Variants in GDA observed in about 807,000 individuals in gnomAD.
GDA encodes the protein cytoplasmic PSD-95 interactor.
Under a neutral mutation model 59.6 loss-of-function variants are expected in GDA, and 18 were observed. The ratio of observed to expected loss-of-function variants is 0.30; its 90% CI spans 0.21 to 0.45. GDA has a LOEUF of 0.45. Ranked by LOEUF, GDA falls within the 20% of genes least tolerant of loss-of-function variation. The pLI is 1.00. For synonymous variants in GDA, 201 were observed against 201.1 expected (o/e 1.00, Z 0.00); for missense variants, 427 against 552.3 (o/e 0.77, Z 2.27).
At chr9:72,183,629 G>A (rs1831531457) in intron 1 of GDA, among the ~76,000 whole-genome samples, 1 of 152,202 alleles carries the variant, frequency 6.6e-6, no homozygotes, top group African/African-American at 2.4e-5. Flanking sequence ...CCTGCCAGAT[G>A]CGTAATTTTG....
At chr9:72,188,250 C>G (rs573313678) in intron 1 of GDA, among the ~76,000 whole-genome samples, 16 of 152,352 alleles carry the variant, frequency 1.1e-4, no homozygotes, top group Non-Finnish European at 2.2e-4. Flanking sequence ...GAGATAGACC[C>G]TGAAAGCATT....
At chr9:72,228,314 T>A (rs544132618) in intron 9 of GDA, 1 of 365,102 alleles carries the variant, frequency 2.7e-6, no homozygotes, top group Non-Finnish European at 5.1e-6. Flanking sequence ...CATAAAAAAT[T>A]TACAGTGAAA....
chr9:72,197,954 C>T (rs1166843061), intron 2 of GDA, among the ~76,000 whole-genome samples: 2 of 152,044 alleles, frequency 1.3e-5, no homozygotes, highest in African/African-American at 4.8e-5. Flanking sequence ...CAGATGGTGG[C>T]CATGGACCCT....
chr9:72,223,284 C>T (rs1837135997), intron 7 of GDA, 57 bp downstream of exon 7: 2 of 889,314 alleles, frequency 2.2e-6, no homozygotes, highest in Non-Finnish European at 3.7e-6. Context: ...TTCTCAGCAC[C>T]CTTAAATCAT....
intron 1 of GDA, among the ~76,000 whole-genome samples, chr9:72,128,288 A>G (rs1825914864): frequency 6.6e-6 from 1 of 152,158 alleles, no homozygotes; most frequent in South Asian, 2.1e-4. Flanking sequence ...GTTCTCTTCT[A>G]TACTCACCTC....
At chr9:72,238,713 A>G (rs919734352) in intron 10 of GDA, among the ~76,000 whole-genome samples, 1 of 152,214 alleles carries the variant, frequency 6.6e-6, no homozygotes, top group African/African-American at 2.4e-5. Context: ...CGAGCAAGTA[A>G]TGATACCATC....
At position 72,250,331 on chromosome 9, in the gene GDA, A is replaced by T; in HGVS notation, c.*1989A>T. 4 of 1,035,404 alleles carry T rather than the reference A, an allele frequency of 3.9e-6. No individual in the cohort carries two copies. The highest frequency in any genetic ancestry group is 4.6e-6 in the Non-Finnish European group (4 of 862,046). 64.1% of individuals were successfully genotyped at this position (1,035,404 alleles called of 1,614,324 possible). A position where few individuals can be genotyped will look rare whatever the true frequency, so the allele number is the denominator to read the frequency against. On this transcript the variant is annotated 3_prime_UTR_variant, in exon 14 of 14. Transcript: ENST00000358399. ...GGTGTACATTTTGATGTTGAACATC[A>T]GTTTTCATGTAGACTTAGGACTCAT...
In GDA at chr9:72,231,196, A is replaced by G. The variant is rs769439352; in HGVS notation, c.988+15A>G. The G allele has an allele frequency of 7.5e-7, 1 of 1,341,552 alleles. No individual in the cohort carries two copies. Among genetic ancestry groups the G allele is most frequent in the Non-Finnish European group, 1.1e-6 (1 of 931,356 alleles). 83.1% of individuals were successfully genotyped at this position (1,341,552 alleles called of 1,614,324 possible). ...GCTGGGTACAGGTTAGTAGTTCACC[A>G]TTTGGAGCTATGGCAAAGTGGTTGA... On this transcript the variant is annotated intron_variant, in intron 10 of 13. Transcript: ENST00000358399.
At chr9:72,209,758 G>A (rs968940253) in intron 3 of GDA, among the ~76,000 whole-genome samples, 1 of 152,114 alleles carries the variant, frequency 6.6e-6, no homozygotes, top group African/African-American at 2.4e-5. Flanking sequence ...AGTAGTGAAG[G>A]CAGTGAATTT....
chr9:72,254,466 AC>A (rs1318353958), downstream of GDA, among the ~76,000 whole-genome samples: 3 of 152,080 alleles, frequency 2.0e-5, no homozygotes, highest in African/African-American at 7.2e-5. Flanking sequence ...AAACAAAAAA[AC>A]AAAACAGATC....
At chr9:72,202,775 T>C (rs764800573) in intron 3 of GDA, 33 bp downstream of exon 3, 3 of 1,504,944 alleles carry the variant, frequency 2.0e-6, no homozygotes, top group Non-Finnish European at 2.8e-6. Flanking sequence ...TGGTATTCTG[T>C]TTGGTCATCT....
Position 72,138,985 on chromosome 9 carries a change from T to C in GDA, c.-100+24152T>C, listed in dbSNP as rs184930011. Among the ~76,000 whole-genome samples the C allele has an allele frequency of 2.6e-4, 40 of 152,334 alleles. No homozygotes were observed. In the East Asian group the frequency reaches 7.5e-3, roughly 29 times the overall value. ...TGCATTTATGAAACATCTGTATCGT[T>C]GTATCTTTCCATGCATTTCGTGTTA... On this transcript the variant is annotated intron_variant, in intron 1 of 13. Transcript: ENST00000545168.
intron 6 of GDA, among the ~76,000 whole-genome samples, chr9:72,221,509 A>G (rs1836864758): frequency 6.6e-6 from 1 of 152,236 alleles, no homozygotes; most frequent in African/African-American, 2.4e-5. Context: ...GCTGTATGAT[A>G]TGCATTTTGG....
At chr9:72,200,141 G>A (rs1396396434) in intron 2 of GDA, among the ~76,000 whole-genome samples, 5 of 151,810 alleles carry the variant, frequency 3.3e-5, no homozygotes, top group East Asian at 1.9e-4. Flanking sequence ...GGGACTACAG[G>A]CGCCTGCCAC....
At chr9:72,219,527 C>A in intron 6 of GDA, 21 bp downstream of exon 6, 3 of 1,582,516 alleles carry the variant, frequency 1.9e-6, no homozygotes, top group Non-Finnish European at 2.6e-6. Flanking sequence ...TTGTTCAGAG[C>A]TCGCTTTTAG....
chr9:72,195,835 T>C (rs142504050), intron 2 of GDA, among the ~76,000 whole-genome samples: 364 of 152,310 alleles, frequency 2.4e-3, no homozygotes, highest in Non-Finnish European at 4.0e-3. Flanking sequence ...TTGAGCATGC[T>C]ATGTGCAGTA....
At chr9:72,151,839 G>A (rs781286888) in intron 1 of GDA, among the ~76,000 whole-genome samples, 29 of 152,164 alleles carry the variant, frequency 1.9e-4, no homozygotes, top group Admixed American at 3.9e-4. Context: ...TCCTGACCTC[G>A]TGATCCCCCT....
intron 1 of GDA, among the ~76,000 whole-genome samples, chr9:72,180,125 AAGAGGAGC>A (rs1005182073): frequency 5.4e-4 from 82 of 152,186 alleles, no homozygotes; most frequent in African/African-American, 1.9e-3. Context: ...TTGGGAGGCC[AAGAGGAGC>A]GGATCATGAG....
chr9:72,249,798 A>G lies in GDA; in HGVS notation c.*1456A>G. Reference sequence around the variant, plus strand: ...ACTCTTTAATATTACCTTATAGTAGAAACTTTATGTAATATAGCTAACTCC... The same window carrying G: ...ACTCTTTAATATTACCTTATAGTAGGAACTTTATGTAATATAGCTAACTCC... On this transcript the variant is annotated 3_prime_UTR_variant, in exon 14 of 14. Transcript: ENST00000358399. 9.2e-6 allele frequency: 8 copies of G among 866,754 alleles called. No individual in the cohort carries two copies. Among genetic ancestry groups the G allele is most frequent in the Non-Finnish European group, 1.1e-5 (8 of 721,760 alleles). The allele number at this position is 866,754 out of a possible 1,614,324, so 53.7% of individuals were successfully genotyped here.
Sources: allele counts gnomAD v4.1 joint callset (sites outside exome capture counted in the v4.1 genomes callset), GRCh38; gene constraint gnomAD v4.1.1; transcripts MANE v1.5; gene names NCBI Gene and HGNC (gene_info 2026-07-23, HGNC 2026-07-21).